NUDCD1: variants seen among roughly 807,000 people sequenced by gnomAD.
NUDCD1 encodes nudC domain-containing protein 1.
In NUDCD1, 60 loss-of-function variants were observed where a neutral mutation model predicts 67.8. That is an observed-to-expected ratio of 0.88 (90% CI 0.72 to 1.10). The LOEUF (loss-of-function observed/expected upper bound fraction) is 1.10, where lower values mean the gene tolerates loss of function less well. Ranked by LOEUF, NUDCD1 falls within the 50% of genes least tolerant of loss-of-function variation. NUDCD1 has a pLI of 0.00. For synonymous variants in NUDCD1, 244 were observed against 230.8 expected (o/e 1.06, Z -0.52); for missense variants, 643 against 695.0 (o/e 0.93, Z 0.84).
intron 7 of NUDCD1, among the ~76,000 whole-genome samples, chr8:109,275,092 C>T (rs1248791019): frequency 2.6e-5 from 4 of 151,562 alleles, no homozygotes; most frequent in South Asian, 2.1e-4. Flanking sequence ...AGAGAGAGAG[C>T]GCACAATACA....
intron 8 of NUDCD1, among the ~76,000 whole-genome samples, chr8:109,253,078 A>G (rs1044109948): frequency 2.0e-5 from 3 of 152,206 alleles, no homozygotes; most frequent in Admixed American, 2.0e-4. Flanking sequence ...AAGGGTTGGC[A>G]TCTAATCCAA....
intron 1 of NUDCD1, among the ~76,000 whole-genome samples, chr8:109,332,063 T>G (rs1396962463): frequency 6.6e-6 from 1 of 152,220 alleles, no homozygotes; most frequent in Non-Finnish European, 1.5e-5. Flanking sequence ...ATACTCATTT[T>G]ATTGAATACA....
chr8:109,302,175 T>C (rs759691232), intron 2 of NUDCD1, among the ~76,000 whole-genome samples: 47 of 152,334 alleles, frequency 3.1e-4, no homozygotes, highest in Admixed American at 2.7e-3. Context: ...CTTATTTTCT[T>C]CTGCAACATC....
intron 2 of NUDCD1, chr8:109,316,638 C>G (rs1038924773): frequency 1.3e-5 from 2 of 152,200 alleles, no homozygotes; most frequent in South Asian, 4.1e-4. Flanking sequence ...CTGACAGAAA[C>G]TCAGAGTAGG....
chr8:109,293,079 C>T (rs908287090), intron 4 of NUDCD1, among the ~76,000 whole-genome samples: 8 of 151,780 alleles, frequency 5.3e-5, no homozygotes, highest in South Asian at 4.1e-4. Flanking sequence ...AAAATATACC[C>T]GTTAAATTAT....
At chr8:109,301,021 GAC>G (rs35304315) in intron 2 of NUDCD1, among the ~76,000 whole-genome samples, 54,953 of 151,850 alleles carry the variant, frequency 0.36, 10,693 homozygotes, top group South Asian at 0.5. Context: ...ATGAAGGAAA[GAC>G]ACAGTCTTCT....
chr8:109,257,768 C>A (rs1339847559), intron 8 of NUDCD1, among the ~76,000 whole-genome samples: 1 of 152,080 alleles, frequency 6.6e-6, no homozygotes, highest in Non-Finnish European at 1.5e-5. Context: ...AAAGGTCATA[C>A]AGTCTTTGTT....
At chr8:109,243,956 C>G (rs1307417892) in intron 9 of NUDCD1, among the ~76,000 whole-genome samples, 2 of 152,152 alleles carry the variant, frequency 1.3e-5, no homozygotes, top group East Asian at 3.9e-4. Context: ...AAATCCTTAT[C>G]TTAATTCATG....
intron 2 of NUDCD1, among the ~76,000 whole-genome samples, chr8:109,303,304 G>C (rs1815031486): frequency 1.3e-5 from 2 of 152,106 alleles, no homozygotes; most frequent in Non-Finnish European, 2.9e-5. Flanking sequence ...CGATCGCCTT[G>C]GAAGCCTACA....
chr8:109,317,066 T>C (rs1312071987), intron 2 of NUDCD1, among the ~76,000 whole-genome samples: 1 of 152,200 alleles, frequency 6.6e-6, no homozygotes, highest in Non-Finnish European at 1.5e-5. Flanking sequence ...GCATAACGCA[T>C]GCAACTTTAT....
Position 109,329,722 on chromosome 8 carries a change from G to A in NUDCD1, c.118+4171C>T, listed in dbSNP as rs1177411408. On this transcript the variant is annotated intron_variant, in intron 1 of 9. Transcript: ENST00000239690. Reference sequence around the variant, plus strand: ...TACATATATCACAACTTCTTAAGTTGTACATTTTAAATTTGTAGTTTATTG... The same window carrying A: ...TACATATATCACAACTTCTTAAGTTATACATTTTAAATTTGTAGTTTATTG... 16 of 1,267,312 alleles carry A rather than the reference G, an allele frequency of 1.3e-5. No homozygotes were observed. The East Asian group carries it at 4.1e-4, about 32-fold the overall frequency. 78.5% of individuals were successfully genotyped at this position (1,267,312 alleles called of 1,614,324 possible). A position where few individuals can be genotyped will look rare whatever the true frequency, so the allele number is the denominator to read the frequency against.
intron 1 of NUDCD1, among the ~76,000 whole-genome samples, chr8:109,327,617 G>T (rs988279947): frequency 6.6e-6 from 1 of 152,130 alleles, no homozygotes; most frequent in South Asian, 2.1e-4. Flanking sequence ...AGCTTCAGTC[G>T]AAATATGCAA....
chr8:109,250,657 C>T (rs1813602697), intron 8 of NUDCD1, among the ~76,000 whole-genome samples: 2 of 152,076 alleles, frequency 1.3e-5, no homozygotes, highest in African/African-American at 4.8e-5. Flanking sequence ...TCCTAGTTTG[C>T]TCAGCATTTT....
intron 2 of NUDCD1, among the ~76,000 whole-genome samples, chr8:109,320,103 C>T (rs1288261842): frequency 1.3e-5 from 2 of 152,182 alleles, no homozygotes; most frequent in African/African-American, 4.8e-5. Flanking sequence ...AACCACAGGA[C>T]TGGGGCGAAA....
At chr8:109,264,087 CTGCATACTAAAGTACCATGGTTGTACT>C (rs1813932446) in intron 8 of NUDCD1, among the ~76,000 whole-genome samples, 1 of 152,192 alleles carries the variant, frequency 6.6e-6, no homozygotes, top group African/African-American at 2.4e-5. Context: ...AGCACTTCTG[CTGCATACTAAAGTACCATGGTTGTACT>C]TGGGAAGCAC....
chr8:109,312,265 C>T (rs917690061), intron 2 of NUDCD1, among the ~76,000 whole-genome samples: 1 of 137,714 alleles, frequency 7.3e-6, no homozygotes, highest in East Asian at 2.2e-4. Context: ...CGCACCACTG[C>T]ACTCCAGCCC....
chr8:109,252,224 A>G (rs766374555), intron 8 of NUDCD1, among the ~76,000 whole-genome samples: 26 of 152,152 alleles, frequency 1.7e-4, no homozygotes, highest in Non-Finnish European at 3.7e-4. Flanking sequence ...GTTCAGCCTC[A>G]GTACTCTGTG....
chr8:109,259,808 T>C (rs896605306), intron 8 of NUDCD1, among the ~76,000 whole-genome samples: 4 of 152,214 alleles, frequency 2.6e-5, no homozygotes, highest in Non-Finnish European at 5.9e-5. Flanking sequence ...AAGATTTTCA[T>C]GATAAGTTTC....
Position 109,282,241 on chromosome 8 carries a change from T to C in NUDCD1, c.824-1069A>G, listed in dbSNP as rs559264106. Among the ~76,000 whole-genome samples the C allele has an allele frequency of 7.2e-5, 11 of 152,274 alleles. No homozygotes were observed. The East Asian group carries it at 2.1e-3, about 30-fold the overall frequency. On this transcript the variant is annotated intron_variant, in intron 5 of 9. Transcript: ENST00000239690. Reference sequence around the variant, plus strand: ...GCAATCCAAGAATCAGCCCATTGCCTGAGGCAATAGAGAGTTCTCCCAGTA... The same window carrying C: ...GCAATCCAAGAATCAGCCCATTGCCCGAGGCAATAGAGAGTTCTCCCAGTA...
Sources: gnomAD v4.1 joint callset for allele counts (sites outside exome capture counted in the v4.1 genomes callset) on GRCh38, gnomAD v4.1.1 for gene constraint, MANE v1.5 for transcripts, NCBI Gene and HGNC (gene_info 2026-07-23, HGNC 2026-07-21) for gene names.